The following C2orf72 variants were observed in gnomAD, a reference collection of about 807,000 sequenced individuals.
C2orf72 encodes the protein uncharacterized protein C2orf72.
In C2orf72, 16 loss-of-function variants were observed where a neutral mutation model predicts 14.4. The ratio of observed to expected loss-of-function variants is 1.11; its 90% CI spans 0.75 to 1.69. The LOEUF (loss-of-function observed/expected upper bound fraction) is 1.69. Ranked by LOEUF, C2orf72 falls within the 40% of genes most tolerant of loss-of-function variation. The pLI, the probability that C2orf72 is intolerant of heterozygous loss-of-function variation, is 0.00. For synonymous variants in C2orf72, 168 were observed against 176.8 expected, an observed-to-expected ratio of 0.95 and a Z score of 0.40; for missense variants, 371 against 358.3, an observed-to-expected ratio of 1.04 and a Z score of -0.29.
chr2:231,037,807 G>C lies in C2orf72; in HGVS notation c.242G>C (p.Gly81Ala). The part of the protein sequence containing the change: ...AEGAGPGAAR[G>A]AQRAARAAGA... The stretch of plus-strand genomic sequence containing the variant: ...GGCGCGGGGCCCGGGGCGGCGCGCG[G>C]GGCGCAGAGGGCGGCGAGGGCGGCT... The change falls in exon 1 of 3, where the codon GGG becomes GCG. Residue 81 changes from glycine (G) to alanine (A), a missense_variant. Around this residue, in one of 3 missense-constraint regions of C2orf72, gnomAD observed 214 missense variants for 178.7 expected, o/e 1.20. Transcript: ENST00000373640. The C allele has an allele frequency of 3.1e-6, 3 of 980,248 alleles. No homozygotes were observed. The highest frequency in any genetic ancestry group is 3.6e-6 in the Non-Finnish European group (3 of 828,282). The allele number at this position is 980,248 out of a possible 1,614,324, so 60.7% of individuals were successfully genotyped here. A position where few individuals can be genotyped will look rare whatever the true frequency, so the allele number is the denominator to read the frequency against.
intron 1 of C2orf72, among the ~76,000 whole-genome samples, chr2:231,038,606 A>G (rs1211179487): frequency 6.6e-6 from 1 of 152,152 alleles, no homozygotes; most frequent in Non-Finnish European, 1.5e-5. Flanking sequence ...GGTGCTAAGG[A>G]GATTGGCGGT....
chr2:231,046,920 G>C lies in C2orf72; in HGVS notation c.787G>C (p.Ala263Pro), dbSNP rs1209163292. The C allele has an allele frequency of 6.4e-7, 1 of 1,551,488 alleles. No individual in the cohort carries two copies. The highest frequency in any genetic ancestry group is 1.4e-5 in the African/African-American group (1 of 73,028). Reference protein sequence around the residue: ...QEPEEELPLTAIFPNGDCDDL... With the variant: ...QEPEEELPLTPIFPNGDCDDL... ...ACCTGAGGAGGAGCTGCCACTAACA[G>C]CCATATTTCCCAATGGAGACTGTGA... Residue 263 changes from alanine (A) to proline (P), a missense_variant, in exon 3 of 3, where the codon GCC becomes CCC. Transcript: ENST00000373640.
chr2:231,046,028 T>C (rs1309991369), intron 2 of C2orf72, among the ~76,000 whole-genome samples: 2 of 152,112 alleles, frequency 1.3e-5, no homozygotes, highest in Non-Finnish European at 2.9e-5. Flanking sequence ...TGGCAAGAAA[T>C]CATACAGAAA....
intron 2 of C2orf72, among the ~76,000 whole-genome samples, chr2:231,041,988 G>A (rs922537067): frequency 3.3e-5 from 5 of 152,136 alleles, no homozygotes; most frequent in African/African-American, 9.7e-5. Context: ...TGCCATGAGC[G>A]ATTTCTGAGC....
intron 2 of C2orf72, among the ~76,000 whole-genome samples, chr2:231,042,387 A>T (rs1213114453): frequency 6.6e-6 from 1 of 152,196 alleles, no homozygotes; most frequent in African/African-American, 2.4e-5. Context: ...GATAAAGCTT[A>T]ATTTATAAAC....
chr2:231,045,288 T>G (rs964560784), intron 2 of C2orf72, among the ~76,000 whole-genome samples: 21 of 151,396 alleles, frequency 1.4e-4, no homozygotes, highest in Admixed American at 8.6e-4. Flanking sequence ...ATTTTATATA[T>G]ATAGAGAGAG....
chr2:231,039,957 A>G lies in C2orf72; in HGVS notation c.635-1339A>G, dbSNP rs184820960. On this transcript the variant is annotated intron_variant, in intron 1 of 2. Transcript: ENST00000373640. Reference sequence around the variant, plus strand: ...GGGGTTTCGCCATATTGACCAGGCTAGTCTCGAACTCCTGACCTCAAGTGA... The same window carrying G: ...GGGGTTTCGCCATATTGACCAGGCTGGTCTCGAACTCCTGACCTCAAGTGA... Among the ~76,000 whole-genome samples, 36 of 152,052 alleles carry G rather than the reference A, an allele frequency of 2.4e-4. 1 individual carries two copies. The highest frequency in any genetic ancestry group is 8.4e-4 in the African/African-American group (35 of 41,482).
rs1338272658 is a variant in C2orf72, at chr2:231,038,047, G to C, written c.482G>C (p.Arg161Pro). 1 of 1,105,612 alleles carries C rather than the reference G, an allele frequency of 9.0e-7. No homozygotes were observed. Among genetic ancestry groups the C allele is most frequent in the Admixed American group, 5.1e-5 (1 of 19,628 alleles). The allele number at this position is 1,105,612 out of a possible 1,614,324, so 68.5% of individuals were successfully genotyped here. Residue 161 changes from arginine (R) to proline (P), a missense_variant, in exon 1 of 3, where the codon CGG becomes CCG. Physicochemically the swap from Arg to Pro is moderately radical, Grantham distance 103. Around this residue, in one of 3 missense-constraint regions of C2orf72, gnomAD observed 12 missense variants for 30.2 expected, o/e 0.40. Transcript: ENST00000373640. ...GPEDAVAPGL[R>P]LLEALLRAVF... ...GAGGACGCGGTGGCGCCGGGGCTGC[G>C]GCTGCTGGAGGCGCTGTTGCGCGCC...
chr2:231,041,870 C>T (rs1302062692), intron 2 of C2orf72, among the ~76,000 whole-genome samples: 3 of 152,054 alleles, frequency 2.0e-5, no homozygotes, highest in Non-Finnish European at 4.4e-5. Context: ...GGACCACCTT[C>T]GAGAGGCCCT....
chr2:231,049,448 G>A lies in C2orf72; in HGVS notation c.*2427G>A, dbSNP rs527299502. ...GACAGAAGAGTTAGGTGCCAGAAAG[G>A]ACAATCTTGATGGTGGGTCCCCTCC... is the stretch of plus-strand genomic sequence containing the variant. On this transcript the variant is annotated 3_prime_UTR_variant, in exon 3 of 3. Transcript: ENST00000373640. The A allele has an allele frequency of 6.6e-6, 1 of 152,314 alleles. No homozygotes were observed. Among genetic ancestry groups the A allele is most frequent in the South Asian group, 2.1e-4 (1 of 4,820 alleles). 9.4% of individuals were successfully genotyped at this position (152,314 alleles called of 1,614,324 possible).
In C2orf72 at chr2:231,041,366, G is replaced by A. The variant is rs1559209171; in HGVS notation, c.705G>A (p.Arg235=). ...LACFSWGPWS[R]RKNQDVAACR... is the part of the protein sequence containing the mutation. Reference sequence around the variant, plus strand: ...GCTTTTCCTGGGGTCCCTGGAGCCGGAGGAAGAACCAGGATGTTGCTGCCT... The same window carrying A: ...GCTTTTCCTGGGGTCCCTGGAGCCGAAGGAAGAACCAGGATGTTGCTGCCT... Residue 235 remains arginine (R), a synonymous_variant, in exon 2 of 3, where the codon CGG becomes CGA. Coordinates refer to ENST00000373640, the MANE Select transcript of C2orf72 (RefSeq NM_001144994.2). 6.4e-7 allele frequency: 1 copy of A among 1,551,464 alleles called. No individual in the cohort carries two copies. The highest frequency in any genetic ancestry group is 8.7e-7 in the Non-Finnish European group (1 of 1,146,958).
chr2:231,047,100 A>T lies in C2orf72; in HGVS notation c.*79A>T. 6.5e-7 allele frequency: 1 copy of T among 1,530,122 alleles called. No individual in the cohort carries two copies. The highest frequency in any genetic ancestry group is 8.9e-7 in the Non-Finnish European group (1 of 1,128,492). 94.8% of individuals were successfully genotyped at this position (1,530,122 alleles called of 1,614,324 possible). ...CCGTCTTACTGGCCCCCAGGTCTCC[A>T]TGGAGACTGCAGAAACCCCCGCCTG... On this transcript the variant is annotated 3_prime_UTR_variant, in exon 3 of 3. Transcript: ENST00000373640.
chr2:231,047,726 C>T lies in C2orf72; in HGVS notation c.*705C>T, dbSNP rs1693437407. The stretch of plus-strand genomic sequence containing the variant: ...CAATGCCTTCTCCCTGTCAGAGTCC[C>T]CCAGAGCAGAGAGGGTCAGGCTTCC... On this transcript the variant is annotated 3_prime_UTR_variant, in exon 3 of 3. Coordinates refer to ENST00000373640, the MANE Select transcript of C2orf72 (RefSeq NM_001144994.2). 1.3e-5 allele frequency: 2 copies of T among 158,808 alleles called. No individual in the cohort carries two copies. Among genetic ancestry groups the T allele is most frequent in the Admixed American group, 1.2e-4 (2 of 16,730 alleles). The allele number at this position is 158,808 out of a possible 1,614,324, so 9.8% of individuals were successfully genotyped here. A position where few individuals can be genotyped will look rare whatever the true frequency, so the allele number is the denominator to read the frequency against.
intron 2 of C2orf72, among the ~76,000 whole-genome samples, chr2:231,046,522 C>T (rs955295027): frequency 1.3e-5 from 2 of 152,114 alleles, no homozygotes; most frequent in Admixed American, 6.5e-5. Flanking sequence ...ACCTAAAAGA[C>T]AGTCCAGAGA....
At chr2:231,038,853 C>T (rs1693299447) in intron 1 of C2orf72, among the ~76,000 whole-genome samples, 1 of 152,214 alleles carries the variant, frequency 6.6e-6, no homozygotes, top group Non-Finnish European at 1.5e-5. Context: ...CTGCTGTGTC[C>T]CTCAGCCTCC....
In C2orf72 at chr2:231,047,281, C is replaced by G. The variant is rs1448867311; in HGVS notation, c.*260C>G. On this transcript the variant is annotated 3_prime_UTR_variant, in exon 3 of 3. Transcript: ENST00000373640. The stretch of plus-strand genomic sequence containing the variant: ...TTATTTTGTCTCTCTGTCTCGGTTT[C>G]TCTGAGCCACTGAGACAGATGGCTG... 2 of 541,450 alleles carry G rather than the reference C, an allele frequency of 3.7e-6. No homozygotes were observed. The highest frequency in any genetic ancestry group is 7.7e-5 in the East Asian group (2 of 26,086). 33.5% of individuals were successfully genotyped at this position (541,450 alleles called of 1,614,324 possible).
At chr2:231,041,116 T>A in intron 1 of C2orf72, 180 bp from the exon 2 acceptor site, 1 of 535,964 alleles carries the variant, frequency 1.9e-6, no homozygotes, top group Non-Finnish European at 3.3e-6. Context: ...AAAGCAATCA[T>A]TTTTAAAGTT....
Position 231,041,329 on chromosome 2 carries a change from G to A in C2orf72, c.668G>A (p.Gly223Glu). ...GCCTGGGAGAGGCCAGGCCTCCCCG[G>A]ACTGCTAGCCTGCTTTTCCTGGGGT... is the stretch of plus-strand genomic sequence containing the variant. ...EGAWERPGLP[G>E]LLACFSWGPW... The change falls in exon 2 of 3, where the codon GGA (glycine) becomes GAA (glutamate). Residue 223 changes from glycine to glutamate, a missense_variant. Physicochemically the swap from Gly to Glu is moderately conservative, Grantham distance 98. Transcript: ENST00000373640. The A allele has an allele frequency of 6.4e-7, 1 of 1,551,476 alleles. No homozygotes were observed.
intron 1 of C2orf72, among the ~76,000 whole-genome samples, 165 bp downstream of exon 1, chr2:231,038,364 T>C (rs1693289674): frequency 6.6e-6 from 1 of 152,074 alleles, no homozygotes; most frequent in Non-Finnish European, 1.5e-5. Flanking sequence ...GAGCGGGCCG[T>C]GCGTAGCGGA....
Sources: gnomAD v4.1 joint callset for allele counts (sites outside exome capture counted in the v4.1 genomes callset) on GRCh38, gnomAD v4.1.1 for gene constraint, gnomAD v4.1.1 regional missense constraint, MANE v1.5 for transcripts, NCBI Gene and HGNC (gene_info 2026-07-23, HGNC 2026-07-21) for gene names.